NOL4: variants seen among roughly 807,000 people sequenced by gnomAD.
The protein encoded by NOL4 is cancer/testis antigen 125.
A neutral mutation model predicts 75.9 loss-of-function variants in NOL4; 17 were observed. That is an observed-to-expected ratio of 0.22 (90% CI 0.15 to 0.34). The LOEUF (loss-of-function observed/expected upper bound fraction) is 0.34, where lower values mean the gene tolerates loss of function less well. Ranked by LOEUF, NOL4 falls within the 10% of genes least tolerant of loss-of-function variation. The pLI is 1.00. For synonymous variants in NOL4, 292 were observed against 289.9 expected (o/e 1.01, Z -0.07); for missense variants, 614 against 793.5 (o/e 0.77, Z 2.72).
intron 4 of NOL4, among the ~76,000 whole-genome samples, chr18:34,103,730 TAC>T (rs933631739): frequency 1.3e-5 from 2 of 152,036 alleles, no homozygotes; most frequent in Non-Finnish European, 2.9e-5. Flanking sequence ...TCGGATACTT[TAC>T]TGTGAACTTA....
chr18:34,222,135 C>A (rs1013751268), intron 1 of NOL4: 23 of 1,530,558 alleles, frequency 1.5e-5, no homozygotes, highest in Admixed American at 2.0e-5. Flanking sequence ...GCCCCACTGG[C>A]TTCTGCAGCG....
Position 33,992,645 on chromosome 18 carries a change from A to T in NOL4, c.1056+26673T>A, listed in dbSNP as rs911296710. Among the ~76,000 whole-genome samples the T allele has an allele frequency of 3.3e-5, 5 of 151,974 alleles. No individual in the cohort carries two copies. The South Asian group carries it at 8.3e-4, about 25-fold the overall frequency. Reference sequence around the variant, plus strand: ...AAAGCTACCAGTAAGAGGGCTATCTACCCAGGAGGGGCAAGATCTCAGCAT... The same window carrying T: ...AAAGCTACCAGTAAGAGGGCTATCTTCCCAGGAGGGGCAAGATCTCAGCAT... On this transcript the variant is annotated intron_variant, in intron 6 of 10. Coordinates refer to ENST00000261592, the MANE Select transcript of NOL4 (RefSeq NM_003787.5).
intron 9 of NOL4, among the ~76,000 whole-genome samples, chr18:33,909,425 TAAC>T (rs2066259825): frequency 6.6e-6 from 1 of 152,166 alleles, no homozygotes; most frequent in Admixed American, 6.6e-5. Context: ...CTACTGGACA[TAAC>T]AACCTACATA....
chr18:34,218,638 T>C (rs190403193), intron 1 of NOL4, among the ~76,000 whole-genome samples: 2 of 152,338 alleles, frequency 1.3e-5, no homozygotes, highest in African/African-American at 4.8e-5. Context: ...ATTGCTGATA[T>C]TCATTCTCGG....
At chr18:34,182,955 A>G (rs1256674648) in intron 1 of NOL4, among the ~76,000 whole-genome samples, 1 of 151,828 alleles carries the variant, frequency 6.6e-6, no homozygotes, top group Non-Finnish European at 1.5e-5. Flanking sequence ...AGAATATTTT[A>G]GTATTAAACA....
At chr18:34,201,960 C>T (rs938341908) in intron 1 of NOL4, among the ~76,000 whole-genome samples, 1 of 151,630 alleles carries the variant, frequency 6.6e-6, no homozygotes, top group Non-Finnish European at 1.5e-5. Flanking sequence ...AAATTTTCTA[C>T]TTACCTAGAT....
intron 1 of NOL4, among the ~76,000 whole-genome samples, chr18:34,197,876 G>C (rs2035449351): frequency 1.3e-5 from 2 of 151,934 alleles, no homozygotes; most frequent in African/African-American, 2.4e-5. Context: ...AAGAGCTTCA[G>C]AGATTTATGG....
At chr18:34,142,802 C>T (rs2081233978) in intron 1 of NOL4, among the ~76,000 whole-genome samples, 1 of 151,258 alleles carries the variant, frequency 6.6e-6, no homozygotes, top group South Asian at 2.1e-4. Context: ...GCACGTTGTG[C>T]ACATGTACCC....
intron 5 of NOL4, among the ~76,000 whole-genome samples, chr18:34,056,316 G>A (rs1467662422): frequency 1.3e-5 from 2 of 152,176 alleles, no homozygotes; most frequent in Non-Finnish European, 2.9e-5. Flanking sequence ...CTAGCTATAT[G>A]TTTGGGAGAC....
chr18:33,995,979 T>C (rs1459299931), intron 6 of NOL4, among the ~76,000 whole-genome samples: 3 of 151,878 alleles, frequency 2.0e-5, no homozygotes, highest in Admixed American at 1.3e-4. Context: ...GTTGTTGTTA[T>C]TCTTCTGCCT....
chr18:34,104,671 T>C (rs559262260), intron 3 of NOL4, among the ~76,000 whole-genome samples: 1 of 152,002 alleles, frequency 6.6e-6, no homozygotes. Context: ...TAATGTAAAA[T>C]TTTTTAGTAA....
chr18:34,093,643 C>T lies in NOL4; in HGVS notation c.640-46G>A, dbSNP rs564387702. The T allele has an allele frequency of 1.5e-5, 21 of 1,398,278 alleles. 1 individual carries two copies. The highest frequency in any genetic ancestry group is 8.6e-5 in the South Asian group (6 of 69,680). The allele number at this position is 1,398,278 out of a possible 1,614,324, so 86.6% of individuals were successfully genotyped here. On this transcript the variant is annotated intron_variant, in intron 4 of 10. Transcript: ENST00000261592. Reference sequence around the variant, plus strand: ...TCATCAAGCATTTTAACGTATAATACGTTTAAATAATAACCATTTTATCTA... The same window carrying T: ...TCATCAAGCATTTTAACGTATAATATGTTTAAATAATAACCATTTTATCTA...
chr18:34,119,374 G>A (rs2080013043), intron 2 of NOL4, among the ~76,000 whole-genome samples: 1 of 152,098 alleles, frequency 6.6e-6, no homozygotes, highest in African/African-American at 2.4e-5. Context: ...ATACTCCCTG[G>A]TGGAGGATTC....
intron 1 of NOL4, among the ~76,000 whole-genome samples, chr18:34,140,398 C>T (rs377708029): frequency 6.6e-6 from 1 of 151,900 alleles, no homozygotes; most frequent in African/African-American, 2.4e-5. Context: ...GATAGTTAGC[C>T]CTTCTTGTTG....
chr18:34,062,509 C>T (rs72957395), intron 5 of NOL4, among the ~76,000 whole-genome samples: 1 of 152,038 alleles, frequency 6.6e-6, no homozygotes, highest in Admixed American at 6.6e-5. Flanking sequence ...CAGTATGACC[C>T]TTTCTTCATA....
chr18:33,898,538 C>A (rs907697480), intron 9 of NOL4, among the ~76,000 whole-genome samples: 6 of 152,102 alleles, frequency 3.9e-5, no homozygotes, highest in African/African-American at 1.2e-4. Flanking sequence ...ATGCACCATG[C>A]CATTTTTTCT....
chr18:34,071,999 G>A (rs1487640210), intron 5 of NOL4, among the ~76,000 whole-genome samples: 1 of 152,204 alleles, frequency 6.6e-6, no homozygotes, highest in Non-Finnish European at 1.5e-5. Context: ...TTGGGAGGCT[G>A]AGGCCTGCAG....
At chr18:34,117,008 CCT>C (rs1350245841) in intron 2 of NOL4, among the ~76,000 whole-genome samples, 2 of 152,126 alleles carry the variant, frequency 1.3e-5, no homozygotes, top group African/African-American at 4.8e-5. Context: ...AATTTGCAAT[CCT>C]CAAAATTAAG....
rs1003405969 is a variant in NOL4 at position 33,919,139 on chromosome 18, A to G, written c.1542+23926T>C. Reference sequence around the variant, plus strand: ...AGGGTAGATTGAATTATTTCTGGAAATACTTGTAAGACCTAATGAGCGTGT... The same window carrying G: ...AGGGTAGATTGAATTATTTCTGGAAGTACTTGTAAGACCTAATGAGCGTGT... On this transcript the variant is annotated intron_variant, in intron 9 of 10. Coordinates refer to ENST00000261592, the MANE Select transcript of NOL4 (RefSeq NM_003787.5). Among the ~76,000 whole-genome samples the G allele has an allele frequency of 4.6e-5, 7 of 152,176 alleles. No homozygotes were observed. In the East Asian group the frequency reaches 1.3e-3, roughly 29 times the overall value.
Sources: gnomAD v4.1 joint callset for allele counts (sites outside exome capture counted in the v4.1 genomes callset) on GRCh38, gnomAD v4.1.1 for gene constraint, MANE v1.5 for transcripts, NCBI Gene and HGNC (gene_info 2026-07-23, HGNC 2026-07-21) for gene names.